OXR1: variants seen among roughly 807,000 people sequenced by gnomAD.
The protein encoded by OXR1 is oxidation resistance 1.
In OXR1, 41 loss-of-function variants were observed where a neutral mutation model predicts 104.6. That is an observed-to-expected ratio of 0.39 (90% CI 0.31 to 0.51). The LOEUF (loss-of-function observed/expected upper bound fraction) is 0.51. Ranked by LOEUF, OXR1 falls within the 20% of genes least tolerant of loss-of-function variation. OXR1 has a pLI of 0.77. For missense variants in OXR1, 955 were observed against 1,031.9 expected (o/e 0.93, Z 1.02); for synonymous variants, 348 against 348.4 (o/e 1.00, Z 0.01).
intron 2 of OXR1, among the ~76,000 whole-genome samples, chr8:106,405,237 G>GTATATA (rs1411612390): frequency 1.0e-4 from 12 of 119,368 alleles, no homozygotes; most frequent in African/African-American, 6.5e-4. Flanking sequence ...GTGTGTGTGT[G>GTATATA]TGTATAGGCT....
intron 2 of OXR1, among the ~76,000 whole-genome samples, chr8:106,504,922 A>G (rs1812058073): frequency 2.0e-5 from 3 of 152,268 alleles, no homozygotes; most frequent in East Asian, 1.9e-4. Flanking sequence ...TCCTAATGTA[A>G]TTTACCACCT....
chr8:106,486,534 A>G (rs1246220010), intron 2 of OXR1, among the ~76,000 whole-genome samples: 1 of 152,132 alleles, frequency 6.6e-6, no homozygotes, highest in Non-Finnish European at 1.5e-5. Context: ...TAAATTAGAG[A>G]AAAATACTGG....
intron 1 of OXR1, among the ~76,000 whole-genome samples, chr8:106,332,591 T>C (rs75439321): frequency 2.0e-5 from 3 of 152,054 alleles, no homozygotes; most frequent in African/African-American, 7.2e-5. Context: ...TTAATTCTTT[T>C]AAAAAATTTG....
chr8:106,422,191 T>A (rs569328728), intron 2 of OXR1, among the ~76,000 whole-genome samples: 1 of 152,268 alleles, frequency 6.6e-6, no homozygotes, highest in South Asian at 2.1e-4. Context: ...AAAGGAAGTC[T>A]CCTTTCGGAG....
intron 2 of OXR1, among the ~76,000 whole-genome samples, chr8:106,378,198 C>T (rs1325479854): frequency 1.3e-5 from 2 of 152,266 alleles, no homozygotes; most frequent in Middle Eastern, 3.4e-3. Context: ...AGACAGGTTA[C>T]TGTAGGGATT....
At chr8:106,558,607 T>A (rs2130472202) in intron 3 of OXR1, among the ~76,000 whole-genome samples, 1 of 152,358 alleles carries the variant, frequency 6.6e-6, no homozygotes, top group South Asian at 2.1e-4. Flanking sequence ...CCCAAGCATC[T>A]TGATATCTTA....
chr8:106,612,102 T>TA (rs1309690026), intron 3 of OXR1, among the ~76,000 whole-genome samples: 1 of 151,940 alleles, frequency 6.6e-6, no homozygotes, highest in African/African-American at 2.4e-5. Flanking sequence ...TCCTTCAGTT[T>TA]TTTTTTGTAT....
At chr8:106,601,158 C>T (rs769531773) in intron 3 of OXR1, among the ~76,000 whole-genome samples, 2 of 152,086 alleles carry the variant, frequency 1.3e-5, no homozygotes, top group Admixed American at 1.3e-4. Flanking sequence ...AGAACACTAA[C>T]ATATATTCAG....
chr8:106,303,638 T>TGAGCC (rs1813355919), intron 1 of OXR1, among the ~76,000 whole-genome samples: 1 of 152,210 alleles, frequency 6.6e-6, no homozygotes, highest in African/African-American at 2.4e-5. Context: ...GCATAGCGTT[T>TGAGCC]ATGGTACACA....
At chr8:106,714,022 T>C in intron 11 of OXR1, 37 bp downstream of exon 11, 1 of 1,474,014 alleles carries the variant, frequency 6.8e-7, no homozygotes, top group Non-Finnish European at 9.2e-7. Flanking sequence ...GTCATCTTTT[T>C]AGTTTGTATG....
intron 2 of OXR1, among the ~76,000 whole-genome samples, chr8:106,360,482 A>C (rs1180878019): frequency 1.3e-5 from 2 of 152,178 alleles, no homozygotes; most frequent in African/African-American, 4.8e-5. Context: ...ACTTAGCTCC[A>C]TAAATTTATT....
chr8:106,677,092 C>T (rs535231604), intron 3 of OXR1, among the ~76,000 whole-genome samples: 3 of 152,058 alleles, frequency 2.0e-5, no homozygotes, highest in East Asian at 1.9e-4. Context: ...TACAAACTAA[C>T]GGTTACTCCT....
intron 9 of OXR1, among the ~76,000 whole-genome samples, chr8:106,710,265 C>G (rs1403488695): frequency 6.6e-6 from 1 of 151,848 alleles, no homozygotes; most frequent in Non-Finnish European, 1.5e-5. Flanking sequence ...TTCAAAAAGA[C>G]TGATAGAGAA....
intron 2 of OXR1, among the ~76,000 whole-genome samples, chr8:106,494,263 T>C (rs775991424): frequency 5.9e-5 from 9 of 152,170 alleles, no homozygotes; most frequent in Non-Finnish European, 1.2e-4. Context: ...TTCTGTAGCA[T>C]CAAGTTTTTG....
At chr8:106,730,726 C>G (rs1833809334) in intron 11 of OXR1, among the ~76,000 whole-genome samples, 2 of 152,030 alleles carry the variant, frequency 1.3e-5, no homozygotes, top group Admixed American at 1.3e-4. Flanking sequence ...AAGTTTTCAA[C>G]TCATAAATAC....
intron 3 of OXR1, among the ~76,000 whole-genome samples, chr8:106,544,139 C>T (rs10087813): frequency 0.69 from 104,493 of 151,686 alleles, 36,144 homozygotes; most frequent in Admixed American, 0.76. Context: ...TAAATTAACA[C>T]TCTGAATGTT....
intron 3 of OXR1, among the ~76,000 whole-genome samples, chr8:106,524,288 T>C (rs1015489926): frequency 6.6e-6 from 1 of 152,140 alleles, no homozygotes; most frequent in African/African-American, 2.4e-5. Flanking sequence ...CTGAAAAATA[T>C]TGTAAATTAA....
chr8:106,661,033 C>A (rs1825712650), intron 3 of OXR1, among the ~76,000 whole-genome samples: 1 of 151,520 alleles, frequency 6.6e-6, no homozygotes, highest in Non-Finnish European at 1.5e-5. Context: ...CAAAAATTAG[C>A]CAGGCATGGT....
intron 3 of OXR1, among the ~76,000 whole-genome samples, chr8:106,617,768 A>G (rs1821362757): frequency 6.6e-6 from 1 of 152,226 alleles, no homozygotes; most frequent in Non-Finnish European, 1.5e-5. Context: ...GAGATTTGTT[A>G]AAGGTGGCCA....
Sources: allele counts gnomAD v4.1 joint callset (sites outside exome capture counted in the v4.1 genomes callset), GRCh38; gene constraint gnomAD v4.1.1; transcripts MANE v1.5; gene names NCBI Gene and HGNC (gene_info 2026-07-23, HGNC 2026-07-21).